Variants in DACH2 observed in about 807,000 individuals in gnomAD.
The protein encoded by DACH2 is dachshund homolog 2.
A neutral mutation model predicts 35.8 loss-of-function variants in DACH2; 17 were observed. That is an observed-to-expected ratio of 0.48 (90% confidence interval 0.33 to 0.71). The LOEUF (loss-of-function observed/expected upper bound fraction) is 0.71. Ranked by LOEUF, DACH2 falls within the 30% of genes least tolerant of loss-of-function variation. The pLI is 0.02. For synonymous variants in DACH2, 195 were observed against 177.3 expected (o/e 1.10, Z -0.79); for missense variants, 469 against 472.7 (o/e 0.99, Z 0.07).
chrX:86,285,027 C>A (rs1333153109), intron 1 of DACH2, among the ~76,000 whole-genome samples: 1 of 110,158 alleles, frequency 9.1e-6, no homozygotes, highest in Admixed American at 9.7e-5. Flanking sequence ...TTATTTGGAT[C>A]TTCTCTCATT....
At chrX:86,227,071 C>T (rs2032840933) in intron 1 of DACH2, among the ~76,000 whole-genome samples, 1 of 111,503 alleles carries the variant, frequency 9.0e-6, no homozygotes, top group Admixed American at 9.5e-5. Context: ...AATATATTTA[C>T]TATGAAAATA....
intron 7 of DACH2, among the ~76,000 whole-genome samples, chrX:86,740,865 G>A (rs1369048120): frequency 9.0e-6 from 1 of 110,982 alleles, no homozygotes; most frequent in Non-Finnish European, 1.9e-5. Flanking sequence ...TTCTCTGTGT[G>A]ACTTGACTTT....
At chrX:86,419,319 A>T (rs1451962234) in intron 2 of DACH2, among the ~76,000 whole-genome samples, 1 of 111,857 alleles carries the variant, frequency 8.9e-6, no homozygotes, top group Non-Finnish European at 1.9e-5. Flanking sequence ...CATACCCGAG[A>T]CTGGGATATT....
chrX:86,371,350 C>T (rs757788042), intron 1 of DACH2, among the ~76,000 whole-genome samples: 23 of 110,594 alleles, frequency 2.1e-4, no homozygotes, highest in African/African-American at 7.2e-4. Context: ...CAAGTGTGTG[C>T]ATCAAAATTT....
chrX:86,710,650 T>C (rs1484931095), intron 5 of DACH2, among the ~76,000 whole-genome samples: 2 of 111,858 alleles, frequency 1.8e-5, no homozygotes, highest in Non-Finnish European at 3.8e-5. Flanking sequence ...AGCATTAACA[T>C]GAGTGAAGGC....
intron 2 of DACH2, among the ~76,000 whole-genome samples, chrX:86,428,266 A>G (rs1271140018): frequency 2.7e-5 from 3 of 112,049 alleles, no homozygotes; most frequent in African/African-American, 9.7e-5. Flanking sequence ...TTAAGATTAA[A>G]TAGTAGCCTT....
At chrX:86,191,085 T>G (rs5923497) in intron 1 of DACH2, among the ~76,000 whole-genome samples, 1 of 111,209 alleles carries the variant, frequency 9.0e-6, no homozygotes, top group African/African-American at 3.3e-5. Context: ...CTCAAATAAC[T>G]TAAAACAGAA....
intron 2 of DACH2, among the ~76,000 whole-genome samples, chrX:86,451,343 G>T (rs1324732098): frequency 9.0e-6 from 1 of 111,338 alleles, no homozygotes; most frequent in Non-Finnish European, 1.9e-5. Context: ...ATTTTTGTCA[G>T]GTTTGTTGAA....
intron 4 of DACH2, among the ~76,000 whole-genome samples, chrX:86,663,879 T>G (rs774756264): frequency 2.7e-5 from 3 of 111,859 alleles, no homozygotes; most frequent in Non-Finnish European, 5.6e-5. Context: ...CTCCTCTAGG[T>G]GATCATCATA....
chrX:86,576,459 C>T, intron 3 of DACH2, among the ~76,000 whole-genome samples: 1 of 111,500 alleles, frequency 9.0e-6, no homozygotes. Context: ...ATGAAATATG[C>T]ACAACATAAA....
At chrX:86,709,707 G>A (rs765540895) in intron 5 of DACH2, among the ~76,000 whole-genome samples, 4 of 111,609 alleles carry the variant, frequency 3.6e-5, no homozygotes, top group Non-Finnish European at 7.5e-5. Context: ...TAAGAAATAA[G>A]CAACCAAATT....
chrX:86,584,510 C>T (rs2039543780), intron 3 of DACH2, among the ~76,000 whole-genome samples: 1 of 110,335 alleles, frequency 9.1e-6, no homozygotes, highest in Admixed American at 9.8e-5. Flanking sequence ...GTTCATTTTT[C>T]TCTTCTTTTT....
At chrX:86,793,256 T>G (rs1328355420) in intron 7 of DACH2, among the ~76,000 whole-genome samples, 3 of 110,937 alleles carry the variant, frequency 2.7e-5, no homozygotes, top group African/African-American at 6.5e-5. Context: ...TTGAGTTGTT[T>G]GAGTTCCTTG....
intron 1 of DACH2, among the ~76,000 whole-genome samples, chrX:86,163,927 C>T (rs1296730658): frequency 1.8e-5 from 2 of 111,084 alleles, no homozygotes; most frequent in East Asian, 5.6e-4. Context: ...GATTATATTC[C>T]GTTGGTTATA....
At chrX:86,306,820 C>T (rs1326195275) in intron 1 of DACH2, among the ~76,000 whole-genome samples, 2 of 110,964 alleles carry the variant, frequency 1.8e-5, no homozygotes, top group African/African-American at 6.6e-5. Flanking sequence ...CCCAGAGAAC[C>T]TTGACTAATA....
intron 1 of DACH2, among the ~76,000 whole-genome samples, chrX:86,193,846 T>C (rs981742967): frequency 9.0e-6 from 1 of 110,577 alleles, no homozygotes; most frequent in African/African-American, 3.3e-5. Flanking sequence ...TGAATGACTC[T>C]ATTGTTTCTT....
chrX:86,736,498 A>G (rs1300696326), intron 6 of DACH2, among the ~76,000 whole-genome samples: 1 of 111,892 alleles, frequency 8.9e-6, no homozygotes, highest in Non-Finnish European at 1.9e-5. Context: ...TAAATATGTT[A>G]GGGGAATCCA....
At chrX:86,380,188 C>T (rs187201953) in intron 2 of DACH2, among the ~76,000 whole-genome samples, 22 of 110,359 alleles carry the variant, frequency 2.0e-4, no homozygotes, top group African/African-American at 6.5e-4. Context: ...TTTTAATCAT[C>T]GTAACAACTC....
chrX:86,329,351 A>G (rs1245762677), intron 1 of DACH2, among the ~76,000 whole-genome samples: 1 of 111,228 alleles, frequency 9.0e-6, no homozygotes, highest in Non-Finnish European at 1.9e-5. Flanking sequence ...GTTGATGGCC[A>G]GTGGGGGTGG....
Sources: allele counts gnomAD v4.1 joint callset (sites outside exome capture counted in the v4.1 genomes callset), GRCh38; gene constraint gnomAD v4.1.1; transcripts MANE v1.5; gene names NCBI Gene and HGNC (gene_info 2026-07-23, HGNC 2026-07-21).